The following CDH13 variants were observed in gnomAD, a reference collection of about 807,000 sequenced individuals.
CDH13 encodes the protein cadherin-13.
Under a neutral mutation model 63.8 loss-of-function variants are expected in CDH13, and 24 were observed. The observed-to-expected ratio is 0.38, with a 90% CI of 0.27 to 0.53. The LOEUF is 0.53. CDH13 is among the 20% of genes least tolerant of loss of function. The pLI is 0.85. For synonymous variants in CDH13, 503 were observed against 355.3 expected, an observed-to-expected ratio of 1.42 and a Z score of -4.67; for missense variants, 1,049 against 903.1, an observed-to-expected ratio of 1.16 and a Z score of -2.07.
intron 6 of CDH13, among the ~76,000 whole-genome samples, chr16:83,377,979 A>T (rs527894429): frequency 3.5e-4 from 53 of 152,336 alleles, no homozygotes; most frequent in Non-Finnish European, 6.8e-4. Flanking sequence ...ATGAATTTGC[A>T]TGTAAAACAA....
At chr16:83,525,579 T>G (rs1022273768) in intron 7 of CDH13, among the ~76,000 whole-genome samples, 1 of 152,250 alleles carries the variant, frequency 6.6e-6, no homozygotes, top group Non-Finnish European at 1.5e-5. Context: ...CCTTGTCGTG[T>G]GAACCTCCAT....
intron 1 of CDH13, among the ~76,000 whole-genome samples, chr16:82,779,097 G>C (rs1229289979): frequency 1.3e-5 from 2 of 152,206 alleles, no homozygotes; most frequent in Non-Finnish European, 2.9e-5. Context: ...TAAAGCTTGA[G>C]TAATGAGTCC....
chr16:82,643,207 A>G (rs952893162), intron 1 of CDH13, among the ~76,000 whole-genome samples: 34 of 152,206 alleles, frequency 2.2e-4, no homozygotes, highest in Non-Finnish European at 4.9e-4. Flanking sequence ...GCTTTATAGT[A>G]TGTTACACAT....
At chr16:82,876,543 G>T (rs1017236865) in intron 2 of CDH13, among the ~76,000 whole-genome samples, 1 of 152,148 alleles carries the variant, frequency 6.6e-6, no homozygotes, top group African/African-American at 2.4e-5. Context: ...GATGGAACAG[G>T]TATAACATTA....
At chr16:83,500,918 C>G (rs1270831335) in intron 7 of CDH13, among the ~76,000 whole-genome samples, 2 of 151,996 alleles carry the variant, frequency 1.3e-5, no homozygotes, top group Admixed American at 1.3e-4. Context: ...TATTTGTTGA[C>G]CAAACAGAGG....
At chr16:83,666,535 T>C (rs1913967634) in intron 8 of CDH13, among the ~76,000 whole-genome samples, 2 of 152,276 alleles carry the variant, frequency 1.3e-5, no homozygotes, top group Non-Finnish European at 2.9e-5. Context: ...CCCAAATGCC[T>C]TCCCATGGCC....
At chr16:83,757,977 A>C (rs899618344) in intron 11 of CDH13, among the ~76,000 whole-genome samples, 1 of 152,070 alleles carries the variant, frequency 6.6e-6, no homozygotes, top group Non-Finnish European at 1.5e-5. Flanking sequence ...AAAAATACAA[A>C]AATTAGCTGG....
Position 82,866,377 on chromosome 16 carries a change from C to CTTTTTTTTTTTTTTTT in CDH13, c.157+7918_157+7933dup, listed in dbSNP as rs538206338. Among the ~76,000 whole-genome samples the CTTTTTTTTTTTTTTTT allele has an allele frequency of 5.8e-4, 34 of 58,320 alleles. 3 individuals are homozygous for CTTTTTTTTTTTTTTTT. Among genetic ancestry groups the CTTTTTTTTTTTTTTTT allele is most frequent in the African/African-American group, 7.8e-4 (9 of 11,554 alleles). The allele number at this position is 58,320 out of a possible 152,430, so 38.3% of individuals were successfully genotyped here. On this transcript the variant is annotated intron_variant, in intron 2 of 13. Coordinates refer to ENST00000567109, the MANE Select transcript of CDH13 (RefSeq NM_001257.5). ...TCTGTTTTCTTTTCTTTTTCTTCTTCTTTTTTTTTTTTTTTTTTTTTTTTT... is the reference window on the plus strand; with the variant it reads ...TCTGTTTTCTTTTCTTTTTCTTCTTCTTTTTTTTTTTTTTTTTTTTTTTTTTTTTTTTTTTTTTTTT...
chr16:83,068,074 G>A (rs2032154136), intron 3 of CDH13, among the ~76,000 whole-genome samples: 1 of 152,170 alleles, frequency 6.6e-6, no homozygotes, highest in South Asian at 2.1e-4. Flanking sequence ...AAAGATACAA[G>A]GAGGACTTGG....
chr16:83,762,035 C>G lies in CDH13; in HGVS notation c.1681+13785C>G, dbSNP rs558347628. On this transcript the variant is annotated intron_variant, in intron 11 of 13. Transcript: ENST00000567109. ...TGAGCTAACGCCACTGCACTCCAGCCTGGGTGACAGAGCGAGACCCCACCT... is the reference window on the plus strand; with the variant it reads ...TGAGCTAACGCCACTGCACTCCAGCGTGGGTGACAGAGCGAGACCCCACCT... Among the ~76,000 whole-genome samples the G allele has an allele frequency of 3.3e-5, 5 of 152,126 alleles. No homozygotes were observed. The East Asian group carries it at 7.7e-4, about 23-fold the overall frequency.
chr16:83,227,682 G>A (rs1398644519), intron 5 of CDH13, among the ~76,000 whole-genome samples: 1 of 152,152 alleles, frequency 6.6e-6, no homozygotes, highest in Non-Finnish European at 1.5e-5. Context: ...GGGGGAGCAT[G>A]CTTTTTGGCC....
chr16:83,396,752 C>G (rs938303350), intron 6 of CDH13: 42 of 24,020 alleles, frequency 1.7e-3, no homozygotes, highest in African/African-American at 6.9e-3. Flanking sequence ...AGATTCATCA[C>G]AAATGATGAT....
chr16:83,602,017 C>G (rs1198452977), intron 7 of CDH13, among the ~76,000 whole-genome samples: 1 of 138,948 alleles, frequency 7.2e-6, no homozygotes. Flanking sequence ...CGCTGGAACC[C>G]GGGAGGCGGA....
chr16:83,535,419 G>A (rs191642243), intron 7 of CDH13, among the ~76,000 whole-genome samples: 1 of 152,346 alleles, frequency 6.6e-6, no homozygotes, highest in East Asian at 1.9e-4. Flanking sequence ...AATAATTGTG[G>A]ATTCAGAAGA....
At chr16:83,775,788 G>A (rs148329586) in intron 11 of CDH13, among the ~76,000 whole-genome samples, 415 of 152,194 alleles carry the variant, frequency 2.7e-3, no homozygotes, top group African/African-American at 9.4e-3. Context: ...GAGGGACCCC[G>A]TCTTCACTGT....
intron 2 of CDH13, among the ~76,000 whole-genome samples, chr16:82,961,592 A>C (rs72790172): frequency 0.15 from 22,940 of 149,550 alleles, 1,793 homozygotes; most frequent in Middle Eastern, 0.19. Context: ...AAAAAAAAAA[A>C]AAAACTACTG....
At chr16:83,746,332 G>A (rs1431482177) in intron 10 of CDH13, among the ~76,000 whole-genome samples, 1 of 152,160 alleles carries the variant, frequency 6.6e-6, no homozygotes, top group East Asian at 1.9e-4. Flanking sequence ...CCACGGTCGT[G>A]TGGTCTTCTC....
intron 2 of CDH13, among the ~76,000 whole-genome samples, chr16:82,956,208 C>T (rs567030667): frequency 1.4e-4 from 22 of 152,244 alleles, no homozygotes; most frequent in African/African-American, 5.1e-4. Flanking sequence ...GTAGGCTTCT[C>T]TCACCTACCC....
At chr16:82,962,886 C>T (rs1280517672) in intron 2 of CDH13, among the ~76,000 whole-genome samples, 1 of 151,916 alleles carries the variant, frequency 6.6e-6, no homozygotes, top group Non-Finnish European at 1.5e-5. Flanking sequence ...GACCTAGAAC[C>T]CAAGACACAT....
Sources: allele counts gnomAD v4.1 joint callset (sites outside exome capture counted in the v4.1 genomes callset), GRCh38; gene constraint gnomAD v4.1.1; transcripts MANE v1.5; gene names NCBI Gene and HGNC (gene_info 2026-07-23, HGNC 2026-07-21).